Variants in OPHN1 observed in about 807,000 individuals in gnomAD.
OPHN1 encodes the protein oligophrenin 1.
Under a neutral mutation model 60.7 loss-of-function variants are expected in OPHN1, and 11 were observed. That is an observed-to-expected ratio of 0.18 (90% CI 0.11 to 0.30). OPHN1 has a LOEUF of 0.30. OPHN1 is among the 10% of genes least tolerant of loss of function. The pLI is 1.00. For missense variants in OPHN1, 449 were observed against 611.0 expected (o/e 0.73, Z 2.80); for synonymous variants, 226 against 222.6 (o/e 1.02, Z -0.14).
At chrX:68,052,266 G>T (rs1192299669) in intron 23 of OPHN1, among the ~76,000 whole-genome samples, 1 of 102,254 alleles carries the variant, frequency 9.8e-6, no homozygotes, top group Non-Finnish European at 2.0e-5. Flanking sequence ...CTCCAGCCTG[G>T]GCAACAGAGT....
chrX:68,297,203 A>T (rs66677047), intron 3 of OPHN1, among the ~76,000 whole-genome samples: 10,326 of 111,699 alleles, frequency 0.092, 1,085 homozygotes, highest in African/African-American at 0.31. Context: ...AAAATATCTT[A>T]TATTAATAAT....
At chrX:68,153,498 C>G (rs1283701346) in intron 15 of OPHN1, among the ~76,000 whole-genome samples, 1 of 111,759 alleles carries the variant, frequency 8.9e-6, no homozygotes, top group Non-Finnish European at 1.9e-5. Flanking sequence ...TGAATACCTT[C>G]TTTTATCTGT....
intron 5 of OPHN1, among the ~76,000 whole-genome samples, chrX:68,249,008 G>A (rs1007397717): frequency 9.0e-6 from 1 of 111,502 alleles, no homozygotes; most frequent in African/African-American, 3.3e-5. Context: ...AAATTAGAAC[G>A]AATGAATAAG....
chrX:68,374,877 T>C (rs775530931), intron 2 of OPHN1, among the ~76,000 whole-genome samples: 5 of 112,181 alleles, frequency 4.5e-5, no homozygotes, highest in African/African-American at 1.6e-4. Context: ...ACGTTCAACG[T>C]CATTAGTCAT....
chrX:68,054,706 A>G (rs1250134365), intron 21 of OPHN1, among the ~76,000 whole-genome samples: 1 of 111,787 alleles, frequency 8.9e-6, no homozygotes, highest in Non-Finnish European at 1.9e-5. Flanking sequence ...ACCAATACAT[A>G]TTATGTGTGA....
chrX:68,223,556 G>A (rs1316199250), intron 6 of OPHN1, among the ~76,000 whole-genome samples: 1 of 111,112 alleles, frequency 9.0e-6, no homozygotes, highest in Non-Finnish European at 1.9e-5. Context: ...AAAAAGGGTG[G>A]TGAGAGGGGG....
chrX:68,298,555 G>T (rs759333107), intron 3 of OPHN1, among the ~76,000 whole-genome samples: 2 of 111,636 alleles, frequency 1.8e-5, no homozygotes, highest in African/African-American at 6.5e-5. Flanking sequence ...AGAGTGAGTT[G>T]TTAAATCCAA....
intron 2 of OPHN1, among the ~76,000 whole-genome samples, chrX:68,303,970 A>AAATTATGGCTAGACAG (rs1220893116): frequency 9.0e-6 from 1 of 111,298 alleles, no homozygotes; most frequent in Admixed American, 9.6e-5. Flanking sequence ...AATGTATACA[A>AAATTATGGCTAGACAG]AATTATGGCT....
chrX:68,264,247 T>C (rs866234700), intron 5 of OPHN1, among the ~76,000 whole-genome samples: 1 of 111,096 alleles, frequency 9.0e-6, no homozygotes, highest in Non-Finnish European at 1.9e-5. Context: ...AAAGACAAAA[T>C]TGACAAATGG....
In OPHN1 at chrX:68,053,635, C is replaced by A. The variant is rs144475530; in HGVS notation, c.2324+10G>T. The A allele has an allele frequency of 4.8e-4, 575 of 1,208,632 alleles. 1 individual carries two copies. In the African/African-American group the frequency reaches 8.3e-3, roughly 17 times the overall value. On this transcript the variant is annotated intron_variant, in intron 22 of 24. Coordinates refer to ENST00000355520, the MANE Select transcript of OPHN1 (RefSeq NM_002547.3). ...GACTTCAGTCAACTTTGAGGTACAA[C>A]CCTACTTACACAGATGATGTGATTT...
intron 2 of OPHN1, among the ~76,000 whole-genome samples, chrX:68,330,864 TATATAACTAAAATATTTA>T (rs1466548151): frequency 9.3e-6 from 1 of 107,198 alleles, no homozygotes; most frequent in Non-Finnish European, 1.9e-5. Context: ...TTTATATATT[TATATAACTAAAATATTTA>T]ATATAACTAT....
intron 15 of OPHN1, among the ~76,000 whole-genome samples, chrX:68,174,725 G>C (rs1273447740): frequency 2.7e-5 from 3 of 109,907 alleles, no homozygotes; most frequent in African/African-American, 9.9e-5. Context: ...ACCCACCTCA[G>C]CCTCCTAAAG....
chrX:68,189,452 C>T (rs969504933), intron 15 of OPHN1, among the ~76,000 whole-genome samples: 1 of 110,061 alleles, frequency 9.1e-6, no homozygotes, highest in African/African-American at 3.3e-5. Flanking sequence ...GTGTGCTGCA[C>T]CCATTAACTC....
intron 2 of OPHN1, among the ~76,000 whole-genome samples, chrX:68,372,767 A>T (rs2078535981): frequency 9.0e-6 from 1 of 111,178 alleles, no homozygotes; most frequent in Admixed American, 9.7e-5. Context: ...AGCAGGAGTG[A>T]CTTGACCAGA....
At chrX:68,410,633 ACAGGGGCCTCATTACTAAACATCT>A (rs1331621379) in intron 2 of OPHN1, among the ~76,000 whole-genome samples, 3 of 110,998 alleles carry the variant, frequency 2.7e-5, no homozygotes, top group African/African-American at 3.3e-5. Flanking sequence ...ACTGATAATA[ACAGGGGCCTCATTACTAAACATCT>A]CAGGGGCCTC....
intron 4 of OPHN1, among the ~76,000 whole-genome samples, chrX:68,278,907 T>A (rs1191668825): frequency 9.2e-6 from 1 of 108,573 alleles, no homozygotes; most frequent in Non-Finnish European, 1.9e-5. Context: ...TAAAAAAAAT[T>A]TTTTTTTAAA....
intron 15 of OPHN1, among the ~76,000 whole-genome samples, chrX:68,133,749 C>G (rs2077207888): frequency 9.0e-6 from 1 of 111,718 alleles, no homozygotes; most frequent in Non-Finnish European, 1.9e-5. Flanking sequence ...ATGGAGCTTC[C>G]CCAAGCACAG....
intron 6 of OPHN1, among the ~76,000 whole-genome samples, chrX:68,225,643 G>T (rs1368478708): frequency 8.0e-5 from 9 of 112,192 alleles, no homozygotes; most frequent in African/African-American, 2.9e-4. Context: ...AACTCCAACA[G>T]ACCTGCAGCT....
At chrX:68,387,949 G>A (rs2078633009) in intron 2 of OPHN1, among the ~76,000 whole-genome samples, 1 of 110,140 alleles carries the variant, frequency 9.1e-6, no homozygotes. Context: ...ATTTCCAGAC[G>A]GAGAAAATGT....
Sources: gnomAD v4.1 joint callset for allele counts (sites outside exome capture counted in the v4.1 genomes callset) on GRCh38, gnomAD v4.1.1 for gene constraint, MANE v1.5 for transcripts, NCBI Gene and HGNC (gene_info 2026-07-23, HGNC 2026-07-21) for gene names.